HIVEP2: variants seen among roughly 807,000 people sequenced by gnomAD.
The protein encoded by HIVEP2 is transcription factor HIVEP2.
HIVEP2 carries 14 observed loss-of-function variants against 180.7 expected under a neutral mutation model. The ratio of observed to expected loss-of-function variants is 0.08; its 90% confidence interval spans 0.05 to 0.12. HIVEP2 has a LOEUF of 0.12. Ranked by LOEUF, HIVEP2 falls within the 10% of genes least tolerant of loss-of-function variation. The pLI is 1.00. For missense variants in HIVEP2, 2,579 were observed against 3,008.5 expected, an observed-to-expected ratio of 0.86 and a Z score of 3.34; for synonymous variants, 1,184 against 1,136.4, an observed-to-expected ratio of 1.04 and a Z score of -0.84.
intron 2 of HIVEP2, among the ~76,000 whole-genome samples, chr6:142,800,248 T>G (rs1404779978): frequency 6.6e-6 from 1 of 152,174 alleles, no homozygotes; most frequent in Non-Finnish European, 1.5e-5. Context: ...ACTTCAATTT[T>G]TAGATGACAA....
intron 1 of HIVEP2, among the ~76,000 whole-genome samples, chr6:142,904,248 C>A (rs1162133080): frequency 6.6e-6 from 1 of 152,182 alleles, no homozygotes; most frequent in Non-Finnish European, 1.5e-5. Context: ...CCACTTGTCA[C>A]ACTTATCCTC....
chr6:142,832,819 T>C (rs1030162495), intron 2 of HIVEP2, among the ~76,000 whole-genome samples: 3 of 152,170 alleles, frequency 2.0e-5, no homozygotes, highest in African/African-American at 7.2e-5. Flanking sequence ...AACTTAACAA[T>C]TGGTATCATC....
rs1775537296 is a variant in HIVEP2 at position 142,771,380 on chromosome 6, T to G, written c.3359A>C (p.His1120Pro). Residue 1120 changes from histidine to proline, a missense_variant, in exon 5 of 10, where the codon CAC becomes CCC. Physicochemically the swap from His to Pro is moderately conservative, Grantham distance 77. This residue lies in a region of HIVEP2 where 523 missense variants were observed against 577.0 expected (regional missense o/e 0.91). Coordinates refer to ENST00000367603, the MANE Select transcript of HIVEP2 (RefSeq NM_006734.4). This position sits in a 1 kb window ranked among gnomAD's most constrained non-coding sequence, Gnocchi z 5.4. ...AGGCAGCACAGCAGGCGGGCCATGGTGCCACCCGGACCGGAGGCCAGCATG... is the reference window on the plus strand; with the variant it reads ...AGGCAGCACAGCAGGCGGGCCATGGGGCCACCCGGACCGGAGGCCAGCATG... ...HLHAGLRSGW[H>P]HGPPAVLPPL... is the part of the protein sequence containing the mutation. The G allele has an allele frequency of 6.2e-7, 1 of 1,612,854 alleles. No homozygotes were observed.
intron 2 of HIVEP2, among the ~76,000 whole-genome samples, chr6:142,793,675 C>CTCTCTCTCTCTCTA (rs1776210129): frequency 8.1e-6 from 1 of 122,828 alleles, no homozygotes; most frequent in Non-Finnish European, 1.7e-5. Flanking sequence ...TTCTTTCTTT[C>CTCTCTCTCTCTCTA]TCTCTCTCTC....
chr6:142,778,986 A>C (rs1460978953), intron 3 of HIVEP2, among the ~76,000 whole-genome samples: 1 of 152,248 alleles, frequency 6.6e-6, no homozygotes, highest in Non-Finnish European at 1.5e-5. Context: ...AAAAAAATCC[A>C]TAATTTAAAT....
Position 142,770,428 on chromosome 6 carries a change from A to G in HIVEP2, c.4311T>C (p.Gly1437=), listed in dbSNP as rs1477486766. 3.7e-6 allele frequency: 6 copies of G among 1,613,968 alleles called. No individual in the cohort carries two copies. The highest frequency in any genetic ancestry group is 1.1e-5 in the South Asian group (1 of 91,074). ...TGGCTGGAGAAAGCATTCGCTTGCT[A>G]CCTCCCAGGGTGGCCACGCTGTCAG... ...STSDSVATLG[G]SKRMLSPASS... is the part of the protein sequence containing the mutation. The change falls in exon 5 of 10, where the codon GGT becomes GGC. Residue 1437 remains glycine, a synonymous_variant. Transcript: ENST00000367603. This position sits in a 1 kb window ranked among gnomAD's most constrained non-coding sequence, Gnocchi z 4.7.
At chr6:142,931,361 A>T (rs1218738845) in intron 1 of HIVEP2, among the ~76,000 whole-genome samples, 2 of 151,938 alleles carry the variant, frequency 1.3e-5, no homozygotes, top group African/African-American at 4.8e-5. Context: ...AATATTCTGT[A>T]TCCCCATTTT....
At chr6:142,913,111 A>G (rs1777456270) in intron 1 of HIVEP2, among the ~76,000 whole-genome samples, 1 of 152,178 alleles carries the variant, frequency 6.6e-6, no homozygotes, top group South Asian at 2.1e-4. Context: ...GCAGGGAGAC[A>G]AAACCAGGAC....
intron 2 of HIVEP2, among the ~76,000 whole-genome samples, chr6:142,785,936 A>T (rs573496560): frequency 6.6e-6 from 1 of 152,334 alleles, no homozygotes; most frequent in East Asian, 1.9e-4. Flanking sequence ...GCAAAGATGC[A>T]AATAATATTA....
chr6:142,769,282 T>G (rs1220348398), intron 5 of HIVEP2, among the ~76,000 whole-genome samples: 1 of 152,216 alleles, frequency 6.6e-6, no homozygotes, highest in Non-Finnish European at 1.5e-5. Flanking sequence ...TTAATCCCAG[T>G]GGTAGGATTT....
chr6:142,844,113 A>C (rs1321921861), intron 1 of HIVEP2, among the ~76,000 whole-genome samples: 2 of 152,176 alleles, frequency 1.3e-5, no homozygotes, highest in Non-Finnish European at 2.9e-5. Context: ...GACAATGGGA[A>C]GAAAACATAT....
intron 1 of HIVEP2, among the ~76,000 whole-genome samples, chr6:142,881,796 C>A (rs759237507): frequency 1.3e-5 from 2 of 152,188 alleles, no homozygotes; most frequent in Non-Finnish European, 2.9e-5. Flanking sequence ...GTCTCATGCT[C>A]TATGAAAGTC....
intron 1 of HIVEP2, among the ~76,000 whole-genome samples, chr6:142,886,772 A>G (rs1776707993): frequency 6.6e-6 from 1 of 152,198 alleles, no homozygotes. Context: ...AAACCTGTTA[A>G]CAACACTGTT....
At chr6:142,805,941 C>G (rs494954) in intron 2 of HIVEP2, among the ~76,000 whole-genome samples, 87,991 of 152,102 alleles carry the variant, frequency 0.58, 26,873 homozygotes, top group Non-Finnish European at 0.68. Context: ...GTCTGCCCTG[C>G]AGAAATTGTG....
intron 1 of HIVEP2, among the ~76,000 whole-genome samples, chr6:142,866,744 G>A (rs1199354261): frequency 1.3e-5 from 2 of 151,996 alleles, no homozygotes; most frequent in South Asian, 2.1e-4. Flanking sequence ...CTTTGAGGTC[G>A]GTCTCTCCCT....
At chr6:142,902,009 C>T (rs1223654340) in intron 1 of HIVEP2, among the ~76,000 whole-genome samples, 1 of 152,114 alleles carries the variant, frequency 6.6e-6, no homozygotes, top group African/African-American at 2.4e-5. Context: ...AGTGATGGCA[C>T]TAGATGATAA....
chr6:142,809,150 T>C (rs1414445637), intron 2 of HIVEP2, among the ~76,000 whole-genome samples: 1 of 152,040 alleles, frequency 6.6e-6, no homozygotes, highest in African/African-American at 2.4e-5. Flanking sequence ...GGATGAATAC[T>C]AGATATGAAT....
At chr6:142,857,393 T>C (rs993016420) in intron 1 of HIVEP2, among the ~76,000 whole-genome samples, 6 of 152,232 alleles carry the variant, frequency 3.9e-5, no homozygotes, top group Admixed American at 2.0e-4. Context: ...TTATTTTGTA[T>C]GTTCTCACGG....
At chr6:142,876,079 G>A (rs185051226) in intron 1 of HIVEP2, among the ~76,000 whole-genome samples, 1 of 152,270 alleles carries the variant, frequency 6.6e-6, no homozygotes, top group Non-Finnish European at 1.5e-5. Context: ...AGAAAGTGTA[G>A]TGTCATGGAA....
Sources: allele counts gnomAD v4.1 joint callset (sites outside exome capture counted in the v4.1 genomes callset), GRCh38; gene constraint gnomAD v4.1.1; regional missense constraint gnomAD v4.1.1; non-coding constraint Gnocchi (gnomAD v3.1); transcripts MANE v1.5; gene names NCBI Gene and HGNC (gene_info 2026-07-23, HGNC 2026-07-21).